TNKS: variants seen among roughly 807,000 people sequenced by gnomAD.
TNKS encodes the protein poly [ADP-ribose] polymerase tankyrase-1.
Under a neutral mutation model 135.8 loss-of-function variants are expected in TNKS, and 72 were observed. The ratio of observed to expected loss-of-function variants is 0.53; its 90% CI spans 0.44 to 0.64. TNKS has a LOEUF of 0.64. Ranked by LOEUF, TNKS falls within the 30% of genes least tolerant of loss-of-function variation. TNKS has a pLI of 0.00. For missense variants in TNKS, 1,769 were observed against 1,674.0 expected, an observed-to-expected ratio of 1.06 and a Z score of -0.99; for synonymous variants, 849 against 649.3, an observed-to-expected ratio of 1.31 and a Z score of -4.68.
intron 3 of TNKS, among the ~76,000 whole-genome samples, chr8:9,649,436 C>G (rs185760895): frequency 7.9e-5 from 12 of 152,306 alleles, no homozygotes; most frequent in Admixed American, 6.5e-4. Flanking sequence ...GTAAGTTACA[C>G]TGAAGAAGAA....
chr8:9,663,798 G>A (rs1420143868), intron 3 of TNKS, among the ~76,000 whole-genome samples: 1 of 152,162 alleles, frequency 6.6e-6, no homozygotes, highest in African/African-American at 2.4e-5. Flanking sequence ...GGTACATAGG[G>A]CAAGGTCAGT....
At chr8:9,569,619 G>C (rs939161666) in intron 1 of TNKS, among the ~76,000 whole-genome samples, 1 of 152,164 alleles carries the variant, frequency 6.6e-6, no homozygotes, top group Non-Finnish European at 1.5e-5. Flanking sequence ...GTTCTATTAT[G>C]AATAGTGCTG....
chr8:9,629,227 A>G (rs1185486009), intron 3 of TNKS, among the ~76,000 whole-genome samples: 1 of 152,176 alleles, frequency 6.6e-6, no homozygotes, highest in African/African-American at 2.4e-5. Flanking sequence ...TCTTTTTCTA[A>G]TAGCAAGACT....
chr8:9,756,552 A>G (rs1247006983), intron 20 of TNKS, among the ~76,000 whole-genome samples: 1 of 152,100 alleles, frequency 6.6e-6, no homozygotes, highest in Non-Finnish European at 1.5e-5. Flanking sequence ...GTTAATTTAA[A>G]TATGATTTTC....
chr8:9,678,137 G>C (rs922698599), intron 3 of TNKS, among the ~76,000 whole-genome samples: 1 of 152,130 alleles, frequency 6.6e-6, no homozygotes, highest in Non-Finnish European at 1.5e-5. Flanking sequence ...TGTCTTTCGC[G>C]TTAAAATCTG....
intron 1 of TNKS, among the ~76,000 whole-genome samples, chr8:9,577,608 C>T (rs898051894): frequency 5.3e-5 from 8 of 152,126 alleles, no homozygotes; most frequent in South Asian, 2.1e-4. Flanking sequence ...CTCACTATTA[C>T]GAGAACAGCA....
chr8:9,717,072 A>AT (rs376229840), intron 11 of TNKS, among the ~76,000 whole-genome samples: 1,652 of 79,448 alleles, frequency 0.021, 159 homozygotes, highest in African/African-American at 0.063. Context: ...GTTGTATTAT[A>AT]ATATATATAT....
chr8:9,769,765 G>A (rs909033416), intron 25 of TNKS, among the ~76,000 whole-genome samples: 4 of 151,728 alleles, frequency 2.6e-5, no homozygotes, highest in South Asian at 2.1e-4. Context: ...GACTACAGGC[G>A]CCCGCCACCA....
chr8:9,717,103 T>TATATATATATATATATATATATATTTA lies in TNKS; in HGVS notation c.1750-3271_1750-3270insATATATATATATATATATATATATTTA, dbSNP rs1554476739. ...TATATATATATATATATATATATATTTTCAGGGAATTTGATTGTTTCTTTT... is the reference window on the plus strand; with the variant it reads ...TATATATATATATATATATATATATTATATATATATATATATATATATATTTATTCAGGGAATTTGATTGTTTCTTTT... On this transcript the variant is annotated intron_variant, in intron 11 of 26. Coordinates refer to ENST00000310430, the MANE Select transcript of TNKS (RefSeq NM_003747.3). 8.9e-4 allele frequency among the ~76,000 whole-genome samples: 35 copies of TATATATATATATATATATATATATTTA among 39,300 alleles called. 2 individuals are homozygous for TATATATATATATATATATATATATTTA. The highest frequency in any genetic ancestry group is 2.5e-3 in the South Asian group (3 of 1,194). The allele number at this position is 39,300 out of a possible 152,430, so 25.8% of individuals were successfully genotyped here.
In TNKS at chr8:9,680,061, T is replaced by TA; in HGVS notation, c.1031+80dup. 7 of 1,087,650 alleles carry TA rather than the reference T, an allele frequency of 6.4e-6. No homozygotes were observed. In the South Asian group the frequency reaches 7.6e-5, roughly 12 times the overall value. 67.4% of individuals were successfully genotyped at this position (1,087,650 alleles called of 1,614,324 possible). ...AAGGAGGAGGGCAGGTGGAGGACTA[T>TA]AAAAAATATAACGTTATTGTCTTGC... is the stretch of plus-strand genomic sequence containing the variant. On this transcript the variant is annotated intron_variant, in intron 4 of 26. Coordinates refer to ENST00000310430, the MANE Select transcript of TNKS (RefSeq NM_003747.3).
intron 5 of TNKS, among the ~76,000 whole-genome samples, chr8:9,692,628 C>T (rs1374920874): frequency 5.3e-5 from 8 of 152,144 alleles, no homozygotes; most frequent in South Asian, 2.1e-4. Context: ...AGAAAACATA[C>T]GGCTATTAGA....
chr8:9,735,735 G>C (rs938316426), intron 17 of TNKS, among the ~76,000 whole-genome samples: 7 of 152,070 alleles, frequency 4.6e-5, no homozygotes, highest in African/African-American at 9.7e-5. Context: ...GGGAGGCGGA[G>C]CTTGCAGTGA....
At chr8:9,610,205 G>A (rs1799402405) in intron 2 of TNKS, among the ~76,000 whole-genome samples, 1 of 151,896 alleles carries the variant, frequency 6.6e-6, no homozygotes, top group Non-Finnish European at 1.5e-5. Context: ...CAGATAATTT[G>A]AAAAATAAAA....
intron 14 of TNKS, among the ~76,000 whole-genome samples, chr8:9,732,886 A>G (rs1805514939): frequency 6.6e-6 from 1 of 150,482 alleles, no homozygotes; most frequent in Admixed American, 6.6e-5. Flanking sequence ...AATCACCACT[A>G]TGATTAAACC....
chr8:9,652,633 C>T (rs1032183806), intron 3 of TNKS, among the ~76,000 whole-genome samples: 2 of 152,000 alleles, frequency 1.3e-5, no homozygotes, highest in African/African-American at 2.4e-5. Context: ...ATTTTTTTCA[C>T]TGACATTAAT....
In TNKS at chr8:9,628,147, C is replaced by T. The variant is rs1800136017; in HGVS notation, c.994+12470C>T. Among the ~76,000 whole-genome samples the T allele has an allele frequency of 3.0e-5, 4 of 131,296 alleles. No individual in the cohort carries two copies. In the South Asian group the frequency reaches 1.1e-3, roughly 37 times the overall value. 86.1% of individuals were successfully genotyped at this position (131,296 alleles called of 152,430 possible). On this transcript the variant is annotated intron_variant, in intron 3 of 26. Transcript: ENST00000310430. Reference sequence around the variant, plus strand: ...ATATGTATTGAATTCTGGTAGCTCACATCTTTTACAACAATAAAATAAAAA... The same window carrying T: ...ATATGTATTGAATTCTGGTAGCTCATATCTTTTACAACAATAAAATAAAAA...
At chr8:9,654,596 G>T (rs1000363145) in intron 3 of TNKS, among the ~76,000 whole-genome samples, 2 of 152,200 alleles carry the variant, frequency 1.3e-5, no homozygotes, top group African/African-American at 2.4e-5. Context: ...TGTTCAAACA[G>T]CTTCTTTTTC....
rs147141589 is a variant in TNKS at position 9,633,706 on chromosome 8, G to A, written c.994+18029G>A. Among the ~76,000 whole-genome samples, 36 of 152,232 alleles carry A rather than the reference G, an allele frequency of 2.4e-4. No individual in the cohort carries two copies. In the East Asian group the frequency reaches 5.8e-3, roughly 24 times the overall value. On this transcript the variant is annotated intron_variant, in intron 3 of 26. Transcript: ENST00000310430. The stretch of plus-strand genomic sequence containing the variant: ...CTCATTCACTTGGATCACTTGCTCC[G>A]GAAGCAGCAAACTGCCATATTGTAA...
chr8:9,679,838 T>A, intron 3 of TNKS, 113 bp from the exon 4 acceptor site: 2 of 828,302 alleles, frequency 2.4e-6, no homozygotes, highest in African/African-American at 3.3e-5. Context: ...CCCAGCGGGG[T>A]GTGGACTCTC....
Sources: gnomAD v4.1 joint callset for allele counts (sites outside exome capture counted in the v4.1 genomes callset) on GRCh38, gnomAD v4.1.1 for gene constraint, MANE v1.5 for transcripts, NCBI Gene and HGNC (gene_info 2026-07-23, HGNC 2026-07-21) for gene names.